The following WDR90 variants were observed in gnomAD, a reference collection of about 807,000 sequenced individuals.
WDR90 encodes the protein WD repeat-containing protein 90.
In WDR90, 238 loss-of-function variants were observed where a neutral mutation model predicts 195.2. That is an observed-to-expected ratio of 1.22 (90% CI 1.10 to 1.36). The LOEUF is 1.36. Ranked by LOEUF, WDR90 falls within the 40% of genes most tolerant of loss-of-function variation. The pLI is 0.00. For missense variants in WDR90, 2,734 were observed against 2,439.5 expected (o/e 1.12, Z -2.54); for synonymous variants, 1,265 against 1,052.4 (o/e 1.20, Z -3.91).
chr16:658,307 T>C lies in WDR90; in HGVS notation c.2729T>C (p.Val910Ala), dbSNP rs542441631. 16 of 1,612,574 alleles carry C rather than the reference T, an allele frequency of 9.9e-6. No homozygotes were observed. In the African/African-American group the frequency reaches 1.3e-4, roughly 13 times the overall value. The change falls in exon 22 of 41, where the codon GTG becomes GCG. Residue 910 changes from valine (V) to alanine (A), a missense_variant. Coordinates refer to ENST00000293879, the MANE Select transcript of WDR90 (RefSeq NM_145294.5). ...GTGTCCACCTCGTCCAACAGAGTCG[T>C]GGTGCTGGATGCTGTGTCGGGCCGC... is the stretch of plus-strand genomic sequence containing the variant. ...LLVSTSSNRV[V>A]VLDAVSGRII...
In WDR90 at chr16:658,205, C is replaced by T. The variant is rs367749130; in HGVS notation, c.2627C>T (p.Thr876Ile). 1.2e-6 allele frequency: 2 copies of T among 1,611,664 alleles called. No homozygotes were observed. The highest frequency in any genetic ancestry group is 1.7e-6 in the Non-Finnish European group (2 of 1,179,504). ...LDELLRVDIG[T>I]LDLASSRLDS... is the part of the protein sequence containing the mutation. The stretch of plus-strand genomic sequence containing the variant: ...CAGCTGCTGCGAGTTGACATCGGCA[C>T]TCTGGACCTGGCCAGCAGCCGCCTG... Residue 876 changes from threonine to isoleucine, a missense_variant, in exon 22 of 41, where the codon ACT (threonine) becomes ATT (isoleucine). By Grantham distance (89) the Thr-to-Ile change is moderately conservative. Coordinates refer to ENST00000293879, the MANE Select transcript of WDR90 (RefSeq NM_145294.5).
intron 7 of WDR90, 90 bp from the exon 8 acceptor site, chr16:651,554 C>A: frequency 3.1e-6 from 4 of 1,302,578 alleles, no homozygotes; most frequent in South Asian, 1.3e-5. Flanking sequence ...TGAGGCTGGG[C>A]CACTTGCTGC....
In WDR90 at chr16:658,922, G is replaced by A; in HGVS notation, c.2922G>A (p.Val974=). The change falls in exon 24 of 41, where the codon GTG becomes GTA. Residue 974 remains valine, a synonymous_variant. Transcript: ENST00000293879. ...PQVYIGHSEP[V]QAVAFSPDQQ... ...TGTACATCGGCCACTCGGAACCCGT[G>A]CAGGCTGTGGCCTTCTCTCCTGACC... 6.2e-7 allele frequency: 1 copy of A among 1,612,490 alleles called. No individual in the cohort carries two copies. The highest frequency in any genetic ancestry group is 8.5e-7 in the Non-Finnish European group (1 of 1,179,980).
intron 28 of WDR90, 60 bp downstream of exon 28, chr16:660,774 G>T: frequency 2.0e-6 from 3 of 1,498,532 alleles, no homozygotes; most frequent in Non-Finnish European, 2.7e-6. Context: ...TGGTCCAGCC[G>T]TCTCCACCCC....
intron 40 of WDR90, among the ~76,000 whole-genome samples, 159 bp from the exon 41 acceptor site, chr16:667,273 C>G (rs934584840): frequency 1.3e-5 from 2 of 152,172 alleles, no homozygotes; most frequent in Non-Finnish European, 2.9e-5. Context: ...GATGGACCCC[C>G]TAGTCCCAGT....
chr16:650,072 A>C lies in WDR90; in HGVS notation c.184A>C (p.Thr62Pro), dbSNP rs1325695290. ...CTACATCCAGCTCCCTAAGAGCAGC[A>C]CCCAGTCTCTGGGGCTGACGGGACG... ...ANYIQLPKSS[T>P]QSLGLTGRYL... Residue 62 changes from threonine to proline, a missense_variant, in exon 3 of 41, where the codon ACC (threonine) becomes CCC (proline). By Grantham distance (38) the Thr-to-Pro change is conservative. Transcript: ENST00000293879. 1 of 1,612,758 alleles carries C rather than the reference A, an allele frequency of 6.2e-7. No individual in the cohort carries two copies. The highest frequency in any genetic ancestry group is 1.7e-5 in the Admixed American group (1 of 59,998).
In WDR90 at chr16:650,054, C is replaced by T; in HGVS notation, c.166C>T (p.Gln56Ter). Residue 56 changes from glutamine to a stop codon, truncating the protein, a stop_gained, in exon 3 of 41, where the codon CAG becomes TAG. Transcript: ENST00000293879. LOFTEE classifies it high-confidence loss of function. ...CTCAGTCTCTGCCGCCAACTACATC[C>T]AGCTCCCTAAGAGCAGCACCCAGTC... ...RGSVSAANYI[Q>*]LPKSSTQSLG... is the part of the protein sequence containing the mutation. 1.2e-6 allele frequency: 2 copies of T among 1,612,938 alleles called. No individual in the cohort carries two copies. The highest frequency in any genetic ancestry group is 1.7e-6 in the Non-Finnish European group (2 of 1,179,984).
chr16:662,863 G>A lies in WDR90; in HGVS notation c.4311+19G>A. The A allele has an allele frequency of 6.5e-7, 1 of 1,541,886 alleles. No homozygotes were observed. The highest frequency in any genetic ancestry group is 8.7e-7 in the Non-Finnish European group (1 of 1,148,364). On this transcript the variant is annotated intron_variant, in intron 34 of 40. Coordinates refer to ENST00000293879, the MANE Select transcript of WDR90 (RefSeq NM_145294.5). ...GAGCAAGGTGAGGGACTTCCAGCCT[G>A]GGCAGAGGCGGGGCAGCCGAACCTG...
chr16:665,419 T>A, intron 34 of WDR90: 5 of 599,884 alleles, frequency 8.3e-6, no homozygotes, highest in Non-Finnish European at 1.5e-5. Context: ...TTTGAGGTGC[T>A]GTCAGAACAG....
rs756785881 is a variant in WDR90 at position 666,890 on chromosome 16, G to A, written c.5005-15G>A. The A allele has an allele frequency of 1.3e-4, 203 of 1,612,964 alleles. 4 individuals are homozygous for A. In the South Asian group the frequency reaches 2.0e-3, roughly 16 times the overall value. ...TGAGCCCACAGGCCTGGAGCCTCAC[G>A]CTGGCTGCTCACAGGTGGTGGAGAA... On this transcript the variant is annotated splice_polypyrimidine_tract_variant and intron_variant, in intron 39 of 40. Transcript: ENST00000293879.
In WDR90 at chr16:658,555, T is replaced by G. The variant is rs776244233; in HGVS notation, c.2797T>G (p.Ser933Ala). 3.1e-6 allele frequency: 5 copies of G among 1,612,488 alleles called. No homozygotes were observed. In the African/African-American group the frequency reaches 6.7e-5, roughly 22 times the overall value. ...CGGTGTCCACCCTGAGCCCTGCCCC[T>G]CCTTGACGCTCAGTGAGGACGCCCG... ...LPGVHPEPCP[S>A]LTLSEDARFL... Residue 933 changes from serine to alanine, a missense_variant, in exon 23 of 41, where the codon TCC (serine) becomes GCC (alanine). By Grantham distance (99) the Ser-to-Ala change is moderately conservative. Coordinates refer to ENST00000293879, the MANE Select transcript of WDR90 (RefSeq NM_145294.5).
intron 27 of WDR90, 152 bp downstream of exon 27, chr16:660,313 A>C (rs1596466415): frequency 1.4e-6 from 1 of 735,236 alleles, no homozygotes; most frequent in Non-Finnish European, 2.2e-6. Flanking sequence ...ACTTCATCCC[A>C]CACCCCCACC....
At chr16:666,175 C>G in intron 36 of WDR90, 45 bp from the exon 37 acceptor site, 2 of 1,606,024 alleles carry the variant, frequency 1.2e-6, no homozygotes, top group Non-Finnish European at 1.7e-6. Context: ...TGGCCCAGGT[C>G]CAGTCTCCGG....
intron 33 of WDR90, 69 bp from the exon 34 acceptor site, chr16:662,610 G>T (rs1428145621): frequency 2.0e-6 from 3 of 1,508,714 alleles, no homozygotes; most frequent in South Asian, 1.3e-5. Flanking sequence ...CTCGGCTGGG[G>T]ACCCAGCTGG....
intron 20 of WDR90, chr16:657,461 G>A: frequency 1.3e-6 from 1 of 749,526 alleles, no homozygotes; most frequent in Non-Finnish European, 2.1e-6. Flanking sequence ...GGCAGCCCAA[G>A]CTCCAGGTCA....
chr16:658,001 G>A (rs1216201432), intron 21 of WDR90, 109 bp downstream of exon 21: 12 of 1,453,862 alleles, frequency 8.3e-6, no homozygotes, highest in South Asian at 5.6e-5. Flanking sequence ...GCCCTGTCCC[G>A]CCTCCTGTCG....
Position 665,706 on chromosome 16 carries a change from G to A in WDR90, c.4339G>A (p.Glu1447Lys). 1 of 1,612,656 alleles carries A rather than the reference G, an allele frequency of 6.2e-7. No individual in the cohort carries two copies. The highest frequency in any genetic ancestry group is 1.1e-5 in the South Asian group (1 of 91,080). Residue 1447 changes from glutamate to lysine, a missense_variant, in exon 35 of 41, where the codon GAG (glutamate) becomes AAG (lysine). By Grantham distance (56) the Glu-to-Lys change is moderately conservative. Transcript: ENST00000293879. ...GAACGAGGTGGTCTTCAGCCCCGGG[G>A]AGTCCCACTGCGCCACATGCAGTGA... The part of the protein sequence containing the change: ...KVNEVVFSPG[E>K]SHCATCSEDG...
chr16:650,811 G>C, intron 5 of WDR90, 102 bp downstream of exon 5: 1 of 1,519,878 alleles, frequency 6.6e-7, no homozygotes, highest in Non-Finnish European at 8.9e-7. Flanking sequence ...TGCTCGAGCT[G>C]TGCTGTCTCT....
At chr16:664,765 C>T (rs1000617492) in intron 34 of WDR90, among the ~76,000 whole-genome samples, 27 of 151,792 alleles carry the variant, frequency 1.8e-4, no homozygotes, top group South Asian at 4.1e-4. Context: ...CTGCAAGCTC[C>T]GCCTCCCGGG....
Sources: allele counts gnomAD v4.1 joint callset (sites outside exome capture counted in the v4.1 genomes callset), GRCh38; gene constraint gnomAD v4.1.1; transcripts MANE v1.5; gene names NCBI Gene and HGNC (gene_info 2026-07-23, HGNC 2026-07-21).